Variants in ARFGEF1 observed in about 807,000 individuals in gnomAD.
ARFGEF1 encodes the protein brefeldin A-inhibited guanine nucleotide-exchange protein 1.
A neutral mutation model predicts 231.0 loss-of-function variants in ARFGEF1; 42 were observed. The ratio of observed to expected loss-of-function variants is 0.18; its 90% confidence interval spans 0.14 to 0.24. ARFGEF1 has a LOEUF of 0.24. Among genes scored for constraint, ARFGEF1 ranks in the 10% least tolerant of loss-of-function variants. ARFGEF1 has a pLI of 1.00. For synonymous variants in ARFGEF1, 710 were observed against 732.3 expected (o/e 0.97, Z 0.49); for missense variants, 1,345 against 2,192.0 (o/e 0.61, Z 7.72).
intron 33 of ARFGEF1, among the ~76,000 whole-genome samples, chr8:67,216,010 A>T (rs1288730741): frequency 6.6e-6 from 1 of 152,200 alleles, no homozygotes; most frequent in African/African-American, 2.4e-5. Context: ...CCCTTAAAAA[A>T]TCATTTTGTT....
At chr8:67,279,813 T>C (rs1805462346) in intron 7 of ARFGEF1, among the ~76,000 whole-genome samples, 1 of 152,170 alleles carries the variant, frequency 6.6e-6, no homozygotes, top group Non-Finnish European at 1.5e-5. Flanking sequence ...AATGAATAAA[T>C]ACAAGCACAT....
At chr8:67,195,358 C>T, downstream of ARFGEF1, 1 of 1,550,260 alleles carries the variant, frequency 6.5e-7, no homozygotes, top group East Asian at 2.2e-5. Flanking sequence ...GTTACCTGAG[C>T]CACGTGTCCC....
At chr8:67,335,251 G>A (rs1023966249) in intron 1 of ARFGEF1, among the ~76,000 whole-genome samples, 4 of 151,106 alleles carry the variant, frequency 2.6e-5, no homozygotes, top group East Asian at 1.9e-4. Flanking sequence ...GACTACAGGC[G>A]CCCGCCACTA....
intron 29 of ARFGEF1, among the ~76,000 whole-genome samples, chr8:67,223,484 G>A (rs374088942): frequency 3.9e-5 from 6 of 152,062 alleles, no homozygotes; most frequent in African/African-American, 1.2e-4. Context: ...CATGGCATCC[G>A]GCCCACATTT....
intron 5 of ARFGEF1, among the ~76,000 whole-genome samples, chr8:67,177,070 CAA>C (rs36084458): frequency 2.7e-4 from 14 of 51,880 alleles, no homozygotes; most frequent in South Asian, 7.0e-4. Context: ...GACTTAGTCT[CAA>C]AAAAAAAAAA....
Position 67,211,012 on chromosome 8 carries a change from C to A in ARFGEF1, c.4819+471G>T, listed in dbSNP as rs1233700101. ...AGGTTGCAGTGAGCATCACTGCACT[C>A]CAGCGTAGGCGACAGGGTGAGACTC... On this transcript the variant is annotated intron_variant, in intron 34 of 38. Transcript: ENST00000262215. 7.0e-5 allele frequency among the ~76,000 whole-genome samples: 10 copies of A among 143,550 alleles called. No individual in the cohort carries two copies. The East Asian group carries it at 2.1e-3, about 30-fold the overall frequency. The allele number at this position is 143,550 out of a possible 152,430, so 94.2% of individuals were successfully genotyped here.
chr8:67,227,929 C>A, intron 25 of ARFGEF1, 34 bp downstream of exon 25: 1 of 1,484,756 alleles, frequency 6.7e-7, no homozygotes, highest in Non-Finnish European at 8.9e-7. Context: ...AAATATACTA[C>A]AAATGTAAAC....
rs546253179 is a variant in ARFGEF1, at chr8:67,305,310, T to A, written c.125-2844A>T. 4.6e-5 allele frequency among the ~76,000 whole-genome samples: 7 copies of A among 152,320 alleles called. No homozygotes were observed. In the East Asian group the frequency reaches 1.3e-3, roughly 29 times the overall value. On this transcript the variant is annotated intron_variant, in intron 1 of 38. Coordinates refer to ENST00000262215, the MANE Select transcript of ARFGEF1 (RefSeq NM_006421.5). ...AGCTGAACATCTGCAATCAACTTGA[T>A]AGGGAAACTAAGGATCAGAATAAAT...
chr8:67,299,460 A>AG, intron 3 of ARFGEF1, 105 bp from the exon 4 acceptor site: 1 of 1,063,272 alleles, frequency 9.4e-7, no homozygotes, highest in Non-Finnish European at 1.3e-6. Flanking sequence ...TATACATAAA[A>AG]TTTTTACACA....
intron 7 of ARFGEF1, 73 bp from the exon 8 acceptor site, chr8:67,277,530 T>C: frequency 7.1e-7 from 1 of 1,408,676 alleles, no homozygotes; most frequent in Non-Finnish European, 9.7e-7. Context: ...GCACAGAGTA[T>C]TTAAAATGAA....
intron 19 of ARFGEF1, among the ~76,000 whole-genome samples, chr8:67,244,391 C>A (rs1840040775): frequency 7.0e-6 from 1 of 142,148 alleles, no homozygotes; most frequent in Admixed American, 7.1e-5. Context: ...TCACTGTAAC[C>A]TCCACCTCCC....
intron 29 of ARFGEF1, among the ~76,000 whole-genome samples, chr8:67,222,653 G>A (rs746285280): frequency 4.6e-5 from 7 of 152,216 alleles, no homozygotes; most frequent in South Asian, 2.1e-4. Flanking sequence ...GTTTCACCAC[G>A]TTGTCCAGGA....
chr8:67,311,855 T>A (rs1415917955), intron 1 of ARFGEF1, among the ~76,000 whole-genome samples: 4 of 152,282 alleles, frequency 2.6e-5, no homozygotes, highest in South Asian at 4.1e-4. Context: ...GTGTAGAAAG[T>A]AGTAGACATG....
chr8:67,225,054 T>G, intron 28 of ARFGEF1, 21 bp from the exon 29 acceptor site: 1 of 1,576,212 alleles, frequency 6.3e-7, no homozygotes, highest in South Asian at 1.2e-5. Context: ...AAAGGTAGGG[T>G]TATTAAAGGC....
chr8:67,175,185 C>G (rs1481001584), downstream of ARFGEF1: 1 of 767,570 alleles, frequency 1.3e-6, no homozygotes, highest in East Asian at 2.5e-5. Context: ...CTATTTCTAT[C>G]ATTTCCTTGA....
Position 67,263,693 on chromosome 8 carries a change from A to G in ARFGEF1, c.2123+2313T>C, listed in dbSNP as rs1205672541. Among the ~76,000 whole-genome samples the G allele has an allele frequency of 3.3e-5, 5 of 152,220 alleles. No individual in the cohort carries two copies. The East Asian group carries it at 9.7e-4, about 29-fold the overall frequency. On this transcript the variant is annotated intron_variant, in intron 14 of 38. Coordinates refer to ENST00000262215, the MANE Select transcript of ARFGEF1 (RefSeq NM_006421.5). ...AACCATAACCACTTAACATTCATAA[A>G]ATGAAACACTTTTCACTAAGCTAAA...
At position 67,224,460 on chromosome 8, in the gene ARFGEF1, T is replaced by C. The variant is rs560001076; in HGVS notation, c.4208+443A>G. On this transcript the variant is annotated intron_variant, in intron 29 of 38. Transcript: ENST00000262215. ...TGAAAGAGTTCTATTTGAATAGCTCTATATTATTCCAAACTATGTTACTGA... is the reference window on the plus strand; with the variant it reads ...TGAAAGAGTTCTATTTGAATAGCTCCATATTATTCCAAACTATGTTACTGA... Among the ~76,000 whole-genome samples the C allele has an allele frequency of 3.5e-4, 53 of 152,346 alleles. No homozygotes were observed. The South Asian group carries it at 9.3e-3, about 27-fold the overall frequency.
Position 67,343,769 on chromosome 8 carries a change from G to A in ARFGEF1, c.-482C>T, listed in dbSNP as rs182217129. 2,558 of 248,614 alleles carry A rather than the reference G, an allele frequency of 0.01. 72 individuals are homozygous for A. Among genetic ancestry groups the A allele is most frequent in the African/African-American group, 0.057 (2,443 of 43,144 alleles). 15.4% of individuals were successfully genotyped at this position (248,614 alleles called of 1,614,324 possible). On this transcript the variant is annotated 5_prime_UTR_variant, in exon 1 of 39. Transcript: ENST00000262215. ...ACCGCCGACCTGCCCCGGCCGCCAT[G>A]TTGGGAGGAAACGACGCGTCACGCA...
chr8:67,278,649 T>A (rs1336065921), intron 7 of ARFGEF1, among the ~76,000 whole-genome samples: 1 of 151,846 alleles, frequency 6.6e-6, no homozygotes, highest in East Asian at 1.9e-4. Flanking sequence ...AGTTCGAGAC[T>A]AGCCTGGCCA....
Sources: gnomAD v4.1 joint callset for allele counts (sites outside exome capture counted in the v4.1 genomes callset) on GRCh38, gnomAD v4.1.1 for gene constraint, MANE v1.5 for transcripts, NCBI Gene and HGNC (gene_info 2026-07-23, HGNC 2026-07-21) for gene names.